ROPN1L: variants seen among roughly 807,000 people sequenced by gnomAD.
ROPN1L encodes the protein rhophilin associated tail protein 1 like, also known as ropporin-1-like protein.
A neutral mutation model predicts 22.7 loss-of-function variants in ROPN1L; 23 were observed. That is an observed-to-expected ratio of 1.01 (90% CI 0.73 to 1.43). The LOEUF (loss-of-function observed/expected upper bound fraction) is 1.43. Among genes scored for constraint, ROPN1L ranks in the 40% most tolerant of loss-of-function variants. ROPN1L has a pLI of 0.00. For synonymous variants in ROPN1L, 116 were observed against 117.8 expected (o/e 0.98, Z 0.10); for missense variants, 271 against 291.5 (o/e 0.93, Z 0.51).
intron 1 of ROPN1L, among the ~76,000 whole-genome samples, chr5:10,444,850 G>A (rs1741004280): frequency 6.6e-6 from 1 of 151,832 alleles, no homozygotes; most frequent in South Asian, 2.1e-4. Flanking sequence ...AGTGAGCCAA[G>A]ATCGTGCCAC....
chr5:10,473,019 C>G (rs1362421993), downstream of ROPN1L, among the ~76,000 whole-genome samples: 1 of 152,136 alleles, frequency 6.6e-6, no homozygotes, highest in African/African-American at 2.4e-5. Flanking sequence ...CTCTCTAAGG[C>G]CAGCACCACC....
chr5:10,471,313 ACT>A (rs1491200946), intron 4 of ROPN1L, among the ~76,000 whole-genome samples: 2 of 146,700 alleles, frequency 1.4e-5, no homozygotes, highest in African/African-American at 5.0e-5. Flanking sequence ...AATTTTTTGT[ACT>A]TTTTTTTTTT....
chr5:10,462,632 G>A (rs2567574), intron 4 of ROPN1L, among the ~76,000 whole-genome samples: 27,906 of 152,056 alleles, frequency 0.18, 3,666 homozygotes, highest in East Asian at 0.66. Context: ...GGTGCCTCAC[G>A]CCTGTAATCC....
chr5:10,450,221 A>T, intron 3 of ROPN1L, 108 bp downstream of exon 3: 1 of 874,562 alleles, frequency 1.1e-6, no homozygotes, highest in South Asian at 2.0e-5. Flanking sequence ...ACTTTGTCTT[A>T]GAAAAGCATT....
chr5:10,466,794 G>GCAC, downstream of ROPN1L, among the ~76,000 whole-genome samples: 1 of 152,208 alleles, frequency 6.6e-6, no homozygotes, highest in East Asian at 1.9e-4. Context: ...CCAGAACGAA[G>GCAC]CACCGGAGAC....
chr5:10,473,980 C>T (rs576098621), downstream of ROPN1L, among the ~76,000 whole-genome samples: 2 of 151,980 alleles, frequency 1.3e-5, no homozygotes, highest in African/African-American at 2.4e-5. Context: ...GGCAAATCCC[C>T]GTCTCTACTA....
At chr5:10,455,564 G>A (rs1354531971) in intron 3 of ROPN1L, among the ~76,000 whole-genome samples, 1 of 152,206 alleles carries the variant, frequency 6.6e-6, no homozygotes, top group East Asian at 1.9e-4. Flanking sequence ...GTCCGCTGGA[G>A]ATTCCCATGG....
chr5:10,441,953 TGTC>T lies in ROPN1L; in HGVS notation c.-213_-211del, dbSNP rs1740890842. Reference sequence around the variant, plus strand: ...TAGGGAACTGCAGGGTCTAGGGTGTTGTCGGAGTGGCAGTTGGTCCGAATTTCT... The same window carrying T: ...TAGGGAACTGCAGGGTCTAGGGTGTTGGAGTGGCAGTTGGTCCGAATTTCT... On this transcript the variant is annotated 5_prime_UTR_variant, in exon 1 of 5. Transcript: ENST00000274134. 1.8e-6 allele frequency: 1 copy of T among 559,848 alleles called. No individual in the cohort carries two copies. Among genetic ancestry groups the T allele is most frequent in the Non-Finnish European group, 3.2e-6 (1 of 317,244 alleles). The allele number at this position is 559,848 out of a possible 1,614,324, so 34.7% of individuals were successfully genotyped here. A position where few individuals can be genotyped will look rare whatever the true frequency, so the allele number is the denominator to read the frequency against.
chr5:10,457,928 C>G (rs1050429956), intron 3 of ROPN1L, among the ~76,000 whole-genome samples: 5 of 152,094 alleles, frequency 3.3e-5, no homozygotes, highest in African/African-American at 1.2e-4. Flanking sequence ...TCCGTGGCTG[C>G]TGCAAGCAGG....
chr5:10,457,003 C>T (rs1741442208), intron 3 of ROPN1L, among the ~76,000 whole-genome samples: 1 of 152,172 alleles, frequency 6.6e-6, no homozygotes, highest in South Asian at 2.1e-4. Flanking sequence ...AAGCAAATCC[C>T]ATCATAACAA....
chr5:10,460,338 G>A (rs1294108578), intron 3 of ROPN1L, among the ~76,000 whole-genome samples: 1 of 152,262 alleles, frequency 6.6e-6, no homozygotes, highest in Non-Finnish European at 1.5e-5. Context: ...CCATGGGCTG[G>A]CCCTGGGGAG....
intron 1 of ROPN1L, among the ~76,000 whole-genome samples, chr5:10,443,508 G>C (rs1229339989): frequency 1.3e-5 from 2 of 151,910 alleles, no homozygotes. Context: ...TGTAGTCCCA[G>C]CTACTCGGGA....
At chr5:10,445,697 G>A (rs747504329) in intron 1 of ROPN1L, among the ~76,000 whole-genome samples, 8 of 152,312 alleles carry the variant, frequency 5.3e-5, no homozygotes, top group East Asian at 1.9e-4. Flanking sequence ...AGGACGAGGC[G>A]GACAGGTTAC....
At chr5:10,473,185 C>T (rs1735274978), downstream of ROPN1L, among the ~76,000 whole-genome samples, 1 of 152,186 alleles carries the variant, frequency 6.6e-6, no homozygotes, top group Admixed American at 6.5e-5. Context: ...GAGTGACTCC[C>T]AGAAAGATAT....
chr5:10,448,898 G>A (rs965769661), intron 2 of ROPN1L, among the ~76,000 whole-genome samples: 1 of 152,308 alleles, frequency 6.6e-6, no homozygotes, highest in South Asian at 2.1e-4. Flanking sequence ...TGCCCCACAC[G>A]CCATCCTGTT....
intron 1 of ROPN1L, among the ~76,000 whole-genome samples, chr5:10,443,576 T>C (rs1182697840): frequency 6.6e-6 from 1 of 150,586 alleles, no homozygotes; most frequent in Non-Finnish European, 1.5e-5. Context: ...GAGCCGAGAT[T>C]GCGCCACTGC....
chr5:10,443,345 G>A (rs1212349344), intron 1 of ROPN1L, among the ~76,000 whole-genome samples: 1 of 143,184 alleles, frequency 7.0e-6, no homozygotes, highest in African/African-American at 2.4e-5. Context: ...CATTTGGGCC[G>A]GGCGCGGTGG....
downstream of ROPN1L, among the ~76,000 whole-genome samples, chr5:10,476,400 A>C (rs1735318195): frequency 6.6e-6 from 1 of 152,238 alleles, no homozygotes; most frequent in Admixed American, 6.5e-5. Context: ...GCTTGCAAAA[A>C]AGTTCTTTTA....
At chr5:10,462,503 G>A (rs1248066985) in intron 4 of ROPN1L, among the ~76,000 whole-genome samples, 3 of 152,204 alleles carry the variant, frequency 2.0e-5, no homozygotes, top group African/African-American at 7.2e-5. Flanking sequence ...ACTTTAGAGG[G>A]AGAGAATGTA....
Sources: allele counts gnomAD v4.1 joint callset (sites outside exome capture counted in the v4.1 genomes callset), GRCh38; gene constraint gnomAD v4.1.1; transcripts MANE v1.5; gene names NCBI Gene and HGNC (gene_info 2026-07-23, HGNC 2026-07-21).